HDAC3: variants seen among roughly 807,000 people sequenced by gnomAD.
The protein encoded by HDAC3 is histone deacetylase 3, also known as SMAP45.
Under a neutral mutation model 62.3 loss-of-function variants are expected in HDAC3, and 21 were observed. The ratio of observed to expected loss-of-function variants is 0.34; its 90% CI spans 0.24 to 0.49. The LOEUF (loss-of-function observed/expected upper bound fraction) is 0.49. HDAC3 is among the 20% of genes least tolerant of loss of function. The pLI, the probability that HDAC3 is intolerant of heterozygous loss-of-function variation, is 0.99. For missense variants in HDAC3, 270 were observed against 556.9 expected (o/e 0.48, Z 5.19); for synonymous variants, 198 against 206.5 (o/e 0.96, Z 0.35).
chr5:141,630,289 C>A (rs1234659983), intron 3 of HDAC3, among the ~76,000 whole-genome samples, 164 bp from the exon 4 acceptor site: 1 of 152,140 alleles, frequency 6.6e-6, no homozygotes, highest in African/African-American at 2.4e-5. Flanking sequence ...ATATTTTGGA[C>A]CAAACCATGT....
chr5:141,628,265 A>G lies in HDAC3; in HGVS notation c.692-78T>C. 1 of 1,259,728 alleles carries G rather than the reference A, an allele frequency of 7.9e-7. No individual in the cohort carries two copies. Among genetic ancestry groups the G allele is most frequent in the South Asian group, 1.2e-5 (1 of 82,316 alleles). The allele number at this position is 1,259,728 out of a possible 1,614,324, so 78.0% of individuals were successfully genotyped here. On this transcript the variant is annotated intron_variant, in intron 8 of 14. Transcript: ENST00000305264. This position sits in a 1 kb window ranked among gnomAD's most constrained non-coding sequence, Gnocchi z 4.7. The stretch of plus-strand genomic sequence containing the variant: ...GGGAACAAAAGGAAAAAGGGGGTTG[A>G]GCGAGCATGTAGCCCAGGAAAGGGG...
In HDAC3 at chr5:141,628,125, T is replaced by C. The variant is rs758328580; in HGVS notation, c.754A>G (p.Ile252Val). Residue 252 changes from isoleucine (I) to valine (V), a missense_variant, in exon 9 of 15, where the codon ATT becomes GTT. Transcript: ENST00000305264. The surrounding 1 kb of genome is among the most constrained non-coding windows in gnomAD (Gnocchi z 4.7). ...ACTGACAGTATTACCTGGAGCACAA[T>C]GCACGTGGGTTGGTAGAAGTCCACT... ...QVVDFYQPTC[I>V]VLQCGADSLG... 6.2e-7 allele frequency: 1 copy of C among 1,614,032 alleles called. No homozygotes were observed. Among genetic ancestry groups the C allele is most frequent in the Non-Finnish European group, 8.5e-7 (1 of 1,179,938 alleles).
In HDAC3 at chr5:141,629,112, G is replaced by A; in HGVS notation, c.610+61C>T. 6.4e-7 allele frequency: 1 copy of A among 1,563,768 alleles called. No homozygotes were observed. The highest frequency in any genetic ancestry group is 8.8e-7 in the Non-Finnish European group (1 of 1,141,828). On this transcript the variant is annotated intron_variant, in intron 7 of 14. Coordinates refer to ENST00000305264, the MANE Select transcript of HDAC3 (RefSeq NM_003883.4). The surrounding 1 kb of genome is among the most constrained non-coding windows in gnomAD (Gnocchi z 5.3). ...TGAGATGAGACTAGAAGGCTGAGAA[G>A]GAGGCACTCATAGTAAAGAGCTGAA...
Position 141,625,912 on chromosome 5 carries a change from T to A in HDAC3, c.979+101A>T. Reference sequence around the variant, plus strand: ...AGCCCAGGGGTTTAGTCTGCAGAGCTCTGAGAGTGTAAAATTTCCCATGTG... The same window carrying A: ...AGCCCAGGGGTTTAGTCTGCAGAGCACTGAGAGTGTAAAATTTCCCATGTG... On this transcript the variant is annotated intron_variant, in intron 12 of 14. Transcript: ENST00000305264. This position sits in a 1 kb window ranked among gnomAD's most constrained non-coding sequence, Gnocchi z 4.0. 1 of 1,311,848 alleles carries A rather than the reference T, an allele frequency of 7.6e-7. No individual in the cohort carries two copies. Among genetic ancestry groups the A allele is most frequent in the Non-Finnish European group, 1.1e-6 (1 of 904,888 alleles). 81.3% of individuals were successfully genotyped at this position (1,311,848 alleles called of 1,614,324 possible).
chr5:141,622,927 CCTGA>C (rs1187065771), intron 14 of HDAC3, among the ~76,000 whole-genome samples: 2 of 152,094 alleles, frequency 1.3e-5, no homozygotes, highest in African/African-American at 2.4e-5. Context: ...TCGAGACCAG[CCTGA>C]CTAACATGGA....
intron 2 of HDAC3, 35 bp downstream of exon 2, chr5:141,636,513 A>AC (rs1032864124): frequency 1.9e-6 from 3 of 1,563,752 alleles, no homozygotes; most frequent in Non-Finnish European, 1.8e-6. Context: ...AGCTCGCCCC[A>AC]CCCCCCAACC....
chr5:141,627,587 T>G (rs1376345974), intron 10 of HDAC3, among the ~76,000 whole-genome samples: 1 of 152,212 alleles, frequency 6.6e-6, no homozygotes, highest in African/African-American at 2.4e-5. Flanking sequence ...AAGAATCTAT[T>G]TATTTCATTT....
In HDAC3 at chr5:141,628,433, G is replaced by A; in HGVS notation, c.691+126C>T. The stretch of plus-strand genomic sequence containing the variant: ...TGCATACAATTTCCAGAGATTCATG[G>A]TCCCTCTGAAGGCCATTCATCCTTA... On this transcript the variant is annotated intron_variant, in intron 8 of 14. Coordinates refer to ENST00000305264, the MANE Select transcript of HDAC3 (RefSeq NM_003883.4). The surrounding 1 kb of genome is among the most constrained non-coding windows in gnomAD (Gnocchi z 4.7). The A allele has an allele frequency of 1.2e-6, 1 of 809,028 alleles. No individual in the cohort carries two copies. The highest frequency in any genetic ancestry group is 1.5e-5 in the South Asian group (1 of 67,610). The allele number at this position is 809,028 out of a possible 1,614,324, so 50.1% of individuals were successfully genotyped here.
chr5:141,623,093 A>C (rs2099903936), intron 14 of HDAC3, among the ~76,000 whole-genome samples: 1 of 152,162 alleles, frequency 6.6e-6, no homozygotes, highest in African/African-American at 2.4e-5. Flanking sequence ...ATTGCACTCC[A>C]GCCTGGGCAA....
At chr5:141,630,863 T>G (rs1030240307) in intron 3 of HDAC3, among the ~76,000 whole-genome samples, 13 of 151,144 alleles carry the variant, frequency 8.6e-5, no homozygotes, top group African/African-American at 2.7e-4. Context: ...TTTTTTTTTT[T>G]TTTTGTAGAG....
chr5:141,625,135 C>T lies in HDAC3; in HGVS notation c.1217+73G>A, dbSNP rs1222436227. The stretch of plus-strand genomic sequence containing the variant: ...CCAGAGGCAATTAAACTAATACCTT[C>T]CCATTTACTTTTTCCCTTTTAAACC... On this transcript the variant is annotated intron_variant, in intron 14 of 14. Transcript: ENST00000305264. The surrounding 1 kb of genome is among the most constrained non-coding windows in gnomAD (Gnocchi z 4.0). 7.3e-7 allele frequency: 1 copy of T among 1,367,542 alleles called. No individual in the cohort carries two copies. The highest frequency in any genetic ancestry group is 1.0e-6 in the Non-Finnish European group (1 of 1,004,592). The allele number at this position is 1,367,542 out of a possible 1,614,324, so 84.7% of individuals were successfully genotyped here.
At chr5:141,624,881 TTATATGTACATACAGAATAG>T (rs2099904243) in intron 14 of HDAC3, 1 of 221,606 alleles carries the variant, frequency 4.5e-6, no homozygotes, top group Non-Finnish European at 8.8e-6. Flanking sequence ...ATGTGTTTGT[TTATATGTACATACAGAATAG>T]TATATTTGCA....
rs967918759 is a variant in HDAC3, at chr5:141,625,041, G to A, written c.1217+167C>T. On this transcript the variant is annotated intron_variant, in intron 14 of 14. Transcript: ENST00000305264. This position sits in a 1 kb window ranked among gnomAD's most constrained non-coding sequence, Gnocchi z 4.0. Reference sequence around the variant, plus strand: ...TGTTTTAAAATTTTGCAATAAATACGTGTTACTTTTGTCATTAAAAATAAC... The same window carrying A: ...TGTTTTAAAATTTTGCAATAAATACATGTTACTTTTGTCATTAAAAATAAC... 2.7e-5 allele frequency: 19 copies of A among 695,650 alleles called. No individual in the cohort carries two copies. Among genetic ancestry groups the A allele is most frequent in the Non-Finnish European group, 3.8e-5 (16 of 426,020 alleles). 43.1% of individuals were successfully genotyped at this position (695,650 alleles called of 1,614,324 possible).
At position 141,629,348 on chromosome 5, in the gene HDAC3, C is replaced by A; in HGVS notation, c.477-42G>T. 1 of 1,612,670 alleles carries A rather than the reference C, an allele frequency of 6.2e-7. No homozygotes were observed. Among genetic ancestry groups the A allele is most frequent in the Non-Finnish European group, 8.5e-7 (1 of 1,179,268 alleles). On this transcript the variant is annotated intron_variant, in intron 6 of 14. Transcript: ENST00000305264. The surrounding 1 kb of genome is among the most constrained non-coding windows in gnomAD (Gnocchi z 5.3). ...GCCAGGGTCTGAGCTAGAAGTGAAC[C>A]CCCCAACCCACTCCTCTCAAACACC... is the stretch of plus-strand genomic sequence containing the variant.
At position 141,629,922 on chromosome 5, in the gene HDAC3, A is replaced by G. The variant is rs2099904946; in HGVS notation, c.364-6T>C. 6.2e-7 allele frequency: 1 copy of G among 1,614,072 alleles called. No homozygotes were observed. The highest frequency in any genetic ancestry group is 1.7e-5 in the Admixed American group (1 of 60,016). Reference sequence around the variant, plus strand: ...TTAATGGCAATATCACAGATCTGAAAGACAAACACCTAAGTCACAGTCCTT... The same window carrying G: ...TTAATGGCAATATCACAGATCTGAAGGACAAACACCTAAGTCACAGTCCTT... On this transcript the variant is annotated splice_polypyrimidine_tract_variant and splice_region_variant and intron_variant, in intron 4 of 14. Coordinates refer to ENST00000305264, the MANE Select transcript of HDAC3 (RefSeq NM_003883.4). The surrounding 1 kb of genome is among the most constrained non-coding windows in gnomAD (Gnocchi z 5.3).
rs1477845657 is a variant in HDAC3 at position 141,626,697 on chromosome 5, C to T, written c.831-414G>A. On this transcript the variant is annotated intron_variant, in intron 10 of 14. Coordinates refer to ENST00000305264, the MANE Select transcript of HDAC3 (RefSeq NM_003883.4). This position sits in a 1 kb window ranked among gnomAD's most constrained non-coding sequence, Gnocchi z 4.6. ...GGCAGAGCTTGCACTGAGCCAAGAT[C>T]GTGCCACTGCACTCCAGCCTGGGTG... Among the ~76,000 whole-genome samples the T allele has an allele frequency of 4.0e-5, 6 of 151,026 alleles. No individual in the cohort carries two copies. Among genetic ancestry groups the T allele is most frequent in the South Asian group, 2.1e-4 (1 of 4,784 alleles).
intron 3 of HDAC3, 105 bp downstream of exon 3, chr5:141,634,706 T>C (rs561763650): frequency 9.3e-5 from 101 of 1,087,346 alleles, no homozygotes; most frequent in African/African-American, 5.7e-4. Flanking sequence ...TTATGATGCA[T>C]TGACAAGTAG....
Position 141,626,674 on chromosome 5 carries a change from C to T in HDAC3, c.831-391G>A, listed in dbSNP as rs2099904469. Among the ~76,000 whole-genome samples, 1 of 151,532 alleles carries T rather than the reference C, an allele frequency of 6.6e-6. No homozygotes were observed. Among genetic ancestry groups the T allele is most frequent in the Admixed American group, 6.6e-5 (1 of 15,206 alleles). ...AGGAGAAATGCTTGAACCCAGGAGG[C>T]AGAGCTTGCACTGAGCCAAGATCGT... is the stretch of plus-strand genomic sequence containing the variant. On this transcript the variant is annotated intron_variant, in intron 10 of 14. Coordinates refer to ENST00000305264, the MANE Select transcript of HDAC3 (RefSeq NM_003883.4). The surrounding 1 kb of genome is among the most constrained non-coding windows in gnomAD (Gnocchi z 4.6).
chr5:141,634,525 C>T (rs1028041576), intron 3 of HDAC3, among the ~76,000 whole-genome samples: 3 of 152,194 alleles, frequency 2.0e-5, no homozygotes, highest in Admixed American at 2.0e-4. Flanking sequence ...CTAAACAATC[C>T]TCCACGTATA....
Sources: gnomAD v4.1 joint callset for allele counts (sites outside exome capture counted in the v4.1 genomes callset) on GRCh38, gnomAD v4.1.1 for gene constraint, Gnocchi (gnomAD v3.1) non-coding constraint, MANE v1.5 for transcripts, NCBI Gene and HGNC (gene_info 2026-07-23, HGNC 2026-07-21) for gene names.